ABCA5: variants seen among roughly 807,000 people sequenced by gnomAD.
The protein encoded by ABCA5 is cholesterol transporter ABCA5.
Under a neutral mutation model 206.0 loss-of-function variants are expected in ABCA5, and 163 were observed. The ratio of observed to expected loss-of-function variants is 0.79; its 90% confidence interval spans 0.70 to 0.90. The LOEUF (loss-of-function observed/expected upper bound fraction) is 0.90, where lower values mean the gene tolerates loss of function less well. ABCA5 is among the 40% of genes least tolerant of loss of function. ABCA5 has a pLI of 0.00. For missense variants in ABCA5, 1,859 were observed against 1,912.9 expected (o/e 0.97, Z 0.53); for synonymous variants, 609 against 613.8 (o/e 0.99, Z 0.11).
chr17:69,251,781 C>G lies in ABCA5; in HGVS notation c.4501G>C (p.Asp1501His). ...HYMEEAEAVC[D>H]RVAIMVSGQL... The stretch of plus-strand genomic sequence containing the variant: ...CCAGACACCATGATAGCTACTCGAT[C>G]ACAGACAGCCTCTGCCTCCTCCATA... The change falls in exon 35 of 39, where the codon GAT becomes CAT. Residue 1501 changes from aspartate (D) to histidine (H), a missense_variant. Asp to His is a moderately conservative substitution (Grantham distance 81). Transcript: ENST00000392676. 6.2e-7 allele frequency: 1 copy of G among 1,614,042 alleles called. No homozygotes were observed. Among genetic ancestry groups the G allele is most frequent in the Non-Finnish European group, 8.5e-7 (1 of 1,179,982 alleles).
intron 11 of ABCA5, 93 bp from the exon 12 acceptor site, chr17:69,291,419 T>A (rs1567770616): frequency 1.4e-6 from 1 of 706,290 alleles, no homozygotes; most frequent in Non-Finnish European, 2.3e-6. Context: ...TTCAAGGCAC[T>A]ATATCTATAA....
chr17:69,266,225 T>C (rs2075206025), intron 23 of ABCA5, among the ~76,000 whole-genome samples: 1 of 152,068 alleles, frequency 6.6e-6, no homozygotes, highest in Non-Finnish European at 1.5e-5. Flanking sequence ...ATTACAGAAA[T>C]AGAGAACAGA....
chr17:69,264,253 T>C (rs568164), intron 24 of ABCA5, among the ~76,000 whole-genome samples: 20,071 of 152,140 alleles, frequency 0.13, 2,421 homozygotes, highest in African/African-American at 0.33. Context: ...AGATCTTTCA[T>C]CTCCTCTGTT....
chr17:69,308,223 G>A (rs117189560), intron 5 of ABCA5, 57 bp downstream of exon 5: 21,719 of 1,153,608 alleles, frequency 0.019, 255 homozygotes, highest in Non-Finnish European at 0.024. Context: ...TAAAGAATAA[G>A]GAAATATTTA....
rs761911150 is a variant in ABCA5 at position 69,277,726 on chromosome 17, T to C, written c.2509A>G (p.Met837Val). The change falls in exon 19 of 39, where the codon ATG (methionine) becomes GTG (valine). Residue 837 changes from methionine (M) to valine (V), a missense_variant. Coordinates refer to ENST00000392676, the MANE Select transcript of ABCA5 (RefSeq NM_172232.4). ...TACATCTGTTGTTTCCAAAGGCTCA[T>C]GGTGCTCACTAGAGCAGCCTTGGTT... ...SETKAALVST[M>V]SLWKQQMYTI... 38 of 1,610,672 alleles carry C rather than the reference T, an allele frequency of 2.4e-5. No homozygotes were observed. The East Asian group carries it at 8.0e-4, about 34-fold the overall frequency.
chr17:69,255,559 T>C lies in ABCA5; in HGVS notation c.4052A>G (p.Glu1351Gly). ...TIINILVGDI[E>G]PTSGQVFLGD... Reference sequence around the variant, plus strand: ...ATATCATACCTGGCCTGAAGTTGGTTCAATATCACCAACCAGAATATTAAT... The same window carrying C: ...ATATCATACCTGGCCTGAAGTTGGTCCAATATCACCAACCAGAATATTAAT... The change falls in exon 31 of 39, where the codon GAA (glutamate) becomes GGA (glycine). Residue 1351 changes from glutamate (E) to glycine (G), a missense_variant. Glu to Gly is a moderately conservative substitution (Grantham distance 98, BLOSUM62 -2). Coordinates refer to ENST00000392676, the MANE Select transcript of ABCA5 (RefSeq NM_172232.4). 1 of 1,568,518 alleles carries C rather than the reference T, an allele frequency of 6.4e-7. No individual in the cohort carries two copies.
At chr17:69,250,837 C>T (rs540826561) in intron 35 of ABCA5, 26 of 293,888 alleles carry the variant, frequency 8.8e-5, no homozygotes, top group Non-Finnish European at 1.4e-4. Context: ...ACTGAGACAC[C>T]GACATTGGTA....
intron 10 of ABCA5, among the ~76,000 whole-genome samples, chr17:69,295,603 T>C (rs932196501): frequency 6.6e-6 from 1 of 152,220 alleles, no homozygotes; most frequent in Non-Finnish European, 1.5e-5. Context: ...TAATACTGCA[T>C]CTTCACATTT....
intron 17 of ABCA5, among the ~76,000 whole-genome samples, 171 bp from the exon 18 acceptor site, chr17:69,284,243 T>G (rs2075427490): frequency 6.6e-6 from 1 of 152,134 alleles, no homozygotes; most frequent in Non-Finnish European, 1.5e-5. Flanking sequence ...AAGCCTGTAG[T>G]CTTAGCTACT....
At chr17:69,322,363 CAAAAAAAAA>C (rs3029978) in intron 1 of ABCA5, among the ~76,000 whole-genome samples, 7 of 52,390 alleles carry the variant, frequency 1.3e-4, no homozygotes, top group African/African-American at 4.2e-4. Flanking sequence ...GATTCCGTCT[CAAAAAAAAA>C]AAAAAAAAAA....
chr17:69,275,869 A>G (rs2075326282), intron 19 of ABCA5, among the ~76,000 whole-genome samples: 1 of 152,132 alleles, frequency 6.6e-6, no homozygotes, highest in South Asian at 2.1e-4. Flanking sequence ...AAGAGACACC[A>G]GAGGGTGCAT....
chr17:69,283,816 A>AGCAG (rs1337071076), intron 18 of ABCA5, 137 bp downstream of exon 18: 1 of 268,960 alleles, frequency 3.7e-6, no homozygotes, highest in Non-Finnish European at 5.1e-6. Flanking sequence ...TCCTATCACT[A>AGCAG]TCAGTATCTC....
chr17:69,307,622 A>G (rs1276613912), intron 5 of ABCA5, among the ~76,000 whole-genome samples: 3 of 152,128 alleles, frequency 2.0e-5, no homozygotes, highest in Non-Finnish European at 4.4e-5. Context: ...GAATTTGTGC[A>G]ATATTACACG....
rs971625882 is a variant in ABCA5, at chr17:69,306,959, A to G, written c.559-5T>C. 2.9e-5 allele frequency: 44 copies of G among 1,520,564 alleles called. No homozygotes were observed. The highest frequency in any genetic ancestry group is 3.7e-5 in the Non-Finnish European group (42 of 1,134,892). The allele number at this position is 1,520,564 out of a possible 1,614,324, so 94.2% of individuals were successfully genotyped here. A position where few individuals can be genotyped will look rare whatever the true frequency, so the allele number is the denominator to read the frequency against. ...AAGAGAAACATTGGTCTTCAACTATAATTAGAAAATGTAAATACATCAAAT... is the reference window on the plus strand; with the variant it reads ...AAGAGAAACATTGGTCTTCAACTATGATTAGAAAATGTAAATACATCAAAT... On this transcript the variant is annotated splice_region_variant and splice_polypyrimidine_tract_variant and intron_variant, in intron 5 of 38. Transcript: ENST00000392676.
At position 69,316,253 on chromosome 17, in the gene ABCA5, G is replaced by A. The variant is rs1045208916; in HGVS notation, c.-15-1823C>T. On this transcript the variant is annotated intron_variant, in intron 1 of 38. Coordinates refer to ENST00000392676, the MANE Select transcript of ABCA5 (RefSeq NM_172232.4). The stretch of plus-strand genomic sequence containing the variant: ...TACGCCCATAATCCCAACACTTTGG[G>A]AGGCCAAGGCAGACAGATCACCTGA... Among the ~76,000 whole-genome samples the A allele has an allele frequency of 4.6e-5, 7 of 152,340 alleles. No individual in the cohort carries two copies. In the South Asian group the frequency reaches 1.4e-3, roughly 32 times the overall value.
At position 69,253,591 on chromosome 17, in the gene ABCA5, T is replaced by G; in HGVS notation, c.4397A>C (p.Lys1466Thr). The change falls in exon 34 of 39, where the codon AAA (lysine) becomes ACA (threonine). Residue 1466 changes from lysine (K) to threonine (T), a missense_variant. Physicochemically the swap from Lys to Thr is moderately conservative, Grantham distance 78. Coordinates refer to ENST00000392676, the MANE Select transcript of ABCA5 (RefSeq NM_172232.4). ...LDEPSTGMDPKAKQHMWRAIR... is the reference protein window; with the variant it reads ...LDEPSTGMDPTAKQHMWRAIR... The stretch of plus-strand genomic sequence containing the variant: ...TACTCACCACATGTGCTGTTTGGCT[T>G]TGGGATCCATACCTGTAGATGGTTC... 6.2e-7 allele frequency: 1 copy of G among 1,613,654 alleles called. No homozygotes were observed. The highest frequency in any genetic ancestry group is 8.5e-7 in the Non-Finnish European group (1 of 1,179,652).
chr17:69,308,233 A>G, intron 5 of ABCA5, 47 bp downstream of exon 5: 1 of 1,256,092 alleles, frequency 8.0e-7, no homozygotes, highest in Non-Finnish European at 1.1e-6. Flanking sequence ...GGAAATATTT[A>G]TTTTAAAATG....
chr17:69,269,169 T>G (rs537590073), intron 22 of ABCA5, among the ~76,000 whole-genome samples: 1 of 152,184 alleles, frequency 6.6e-6, no homozygotes, highest in African/African-American at 2.4e-5. Context: ...TAAAATCTTG[T>G]GTAATAGTTA....
At chr17:69,263,053 T>C (rs2075167034) in intron 24 of ABCA5, among the ~76,000 whole-genome samples, 1 of 152,166 alleles carries the variant, frequency 6.6e-6, no homozygotes, top group Non-Finnish European at 1.5e-5. Flanking sequence ...AAGTGTCTGT[T>C]CATATCTTTT....
Sources: allele counts gnomAD v4.1 joint callset (sites outside exome capture counted in the v4.1 genomes callset), GRCh38; gene constraint gnomAD v4.1.1; transcripts MANE v1.5; gene names NCBI Gene and HGNC (gene_info 2026-07-23, HGNC 2026-07-21).